Variants in USP50 observed in about 807,000 individuals in gnomAD.
USP50 encodes the protein ubiquitin specific peptidase 50, also known as ubiquitin carboxyl-terminal hydrolase 50.
USP50 carries 37 observed loss-of-function variants against 39.2 expected under a neutral mutation model. The ratio of observed to expected loss-of-function variants is 0.94; its 90% CI spans 0.73 to 1.24. The LOEUF (loss-of-function observed/expected upper bound fraction) is 1.24. Among genes scored for constraint, USP50 ranks in the 50% most tolerant of loss-of-function variants. USP50 has a pLI of 0.00. For synonymous variants in USP50, 139 were observed against 144.5 expected, an observed-to-expected ratio of 0.96 and a Z score of 0.27; for missense variants, 374 against 398.2, an observed-to-expected ratio of 0.94 and a Z score of 0.52.
At chr15:50,531,774 G>A (rs2052942384) in intron 5 of USP50, among the ~76,000 whole-genome samples, 2 of 152,144 alleles carry the variant, frequency 1.3e-5, no homozygotes, top group African/African-American at 2.4e-5. Context: ...GCAATGATGA[G>A]AGACATCTAG....
intron 6 of USP50, chr15:50,504,422 G>A (rs1195713768): frequency 6.6e-6 from 1 of 152,360 alleles, no homozygotes; most frequent in Non-Finnish European, 1.5e-5. Flanking sequence ...TACTTGGTAG[G>A]TTGAGGTGGG....
intron 6 of USP50, among the ~76,000 whole-genome samples, chr15:50,527,080 G>A (rs575101134): frequency 1.4e-4 from 22 of 152,316 alleles, no homozygotes; most frequent in African/African-American, 5.3e-4. Flanking sequence ...GGATGGTGCA[G>A]GGATATCCTT....
intron 6 of USP50, among the ~76,000 whole-genome samples, chr15:50,525,664 G>GTATATGTA (rs1371240542): frequency 0.083 from 3,608 of 43,574 alleles, 462 homozygotes; most frequent in Admixed American, 0.13. Flanking sequence ...ATGTATATAT[G>GTATATGTA]TATATGTATA....
At chr15:50,542,630 A>G (rs768738112) in intron 3 of USP50, among the ~76,000 whole-genome samples, 2 of 151,894 alleles carry the variant, frequency 1.3e-5, no homozygotes, top group Non-Finnish European at 2.9e-5. Context: ...CTGGGACTGC[A>G]GGCTCCTGCC....
chr15:50,545,405 T>G (rs980293654), intron 1 of USP50, among the ~76,000 whole-genome samples: 2 of 151,896 alleles, frequency 1.3e-5, no homozygotes, highest in Non-Finnish European at 2.9e-5. Context: ...CATTTACTCA[T>G]GGGGTGTGTG....
At chr15:50,525,642 G>GTGTATA (rs1220643592) in intron 6 of USP50, among the ~76,000 whole-genome samples, 1 of 101,322 alleles carries the variant, frequency 9.9e-6, no homozygotes, top group Non-Finnish European at 1.9e-5. Flanking sequence ...ATATGTATAT[G>GTGTATA]TGTATATGTA....
chr15:50,525,979 G>A (rs1318437156), intron 6 of USP50, among the ~76,000 whole-genome samples: 1 of 151,952 alleles, frequency 6.6e-6, no homozygotes, highest in Non-Finnish European at 1.5e-5. Flanking sequence ...AATATACACC[G>A]AATTCGGGTA....
intron 5 of USP50, 125 bp downstream of exon 5, chr15:50,538,584 C>T: frequency 9.2e-7 from 1 of 1,082,904 alleles, no homozygotes; most frequent in Non-Finnish European, 1.3e-6. Flanking sequence ...AATTTAAAAA[C>T]AATAATGTAA....
chr15:50,496,176 C>CAA, downstream of USP50: 2 of 1,097,396 alleles, frequency 1.8e-6, no homozygotes, highest in Non-Finnish European at 2.6e-6. Flanking sequence ...TTTACCCTTA[C>CAA]AAACATTTTA....
chr15:50,530,711 G>T (rs1322131714), intron 5 of USP50, among the ~76,000 whole-genome samples: 1 of 152,122 alleles, frequency 6.6e-6, no homozygotes, highest in African/African-American at 2.4e-5. Context: ...ACTGGAATTT[G>T]AATCAAGGAG....
At chr15:50,537,641 C>T (rs1392205594) in intron 5 of USP50, among the ~76,000 whole-genome samples, 1 of 146,304 alleles carries the variant, frequency 6.8e-6, no homozygotes, top group Non-Finnish European at 1.5e-5. Context: ...GGCAGATCGC[C>T]TGAGCTCAGG....
chr15:50,513,337 A>G (rs2052762192), intron 6 of USP50: 1 of 152,170 alleles, frequency 6.6e-6, no homozygotes, highest in Non-Finnish European at 1.5e-5. Context: ...ATATATTCAC[A>G]CAATATACAT....
chr15:50,505,527 T>C (rs1433881916), intron 6 of USP50: 4 of 152,192 alleles, frequency 2.6e-5, no homozygotes, highest in African/African-American at 9.7e-5. Context: ...GCCACATGAA[T>C]TTTAAAAACT....
At chr15:50,540,198 A>G (rs1266379499) in intron 4 of USP50, among the ~76,000 whole-genome samples, 1 of 152,204 alleles carries the variant, frequency 6.6e-6, no homozygotes, top group African/African-American at 2.4e-5. Flanking sequence ...GCTGTCTTCT[A>G]CTGCCACCCA....
chr15:50,499,874 C>T (rs1371662652), downstream of USP50: 1 of 151,922 alleles, frequency 6.6e-6, no homozygotes, highest in African/African-American at 2.4e-5. Flanking sequence ...TATAATAACA[C>T]CCAGAGTCAT....
intron 6 of USP50, among the ~76,000 whole-genome samples, chr15:50,528,191 G>C (rs1356302540): frequency 6.6e-5 from 10 of 151,702 alleles, no homozygotes; most frequent in Admixed American, 6.6e-4. Flanking sequence ...ACAGGCGTGA[G>C]CCACTGCACC....
chr15:50,531,732 C>T (rs929999415), intron 5 of USP50, among the ~76,000 whole-genome samples: 1 of 152,156 alleles, frequency 6.6e-6, no homozygotes, highest in African/African-American at 2.4e-5. Flanking sequence ...GGGGCTCCCA[C>T]TGGCCAATTT....
chr15:50,495,042 T>C (rs1595989087), intron 1 of USP50, among the ~76,000 whole-genome samples: 1 of 150,764 alleles, frequency 6.6e-6, no homozygotes, highest in South Asian at 2.1e-4. Context: ...AAAAAATTAC[T>C]CCATGTAACC....
intron 6 of USP50, among the ~76,000 whole-genome samples, chr15:50,520,306 T>C (rs1166882405): frequency 5.0e-5 from 2 of 39,682 alleles, no homozygotes; most frequent in African/African-American, 1.2e-4. Flanking sequence ...AGAGAGACCC[T>C]TTTTTTTTTT....
Sources: allele counts gnomAD v4.1 joint callset (sites outside exome capture counted in the v4.1 genomes callset), GRCh38; gene constraint gnomAD v4.1.1; transcripts MANE v1.5; gene names NCBI Gene and HGNC (gene_info 2026-07-23, HGNC 2026-07-21).